IQCM: variants seen among roughly 807,000 people sequenced by gnomAD.
IQCM encodes IQ motif containing M, also known as IQ domain-containing protein M.
Under a neutral mutation model 57.6 loss-of-function variants are expected in IQCM, and 45 were observed. The ratio of observed to expected loss-of-function variants is 0.78; its 90% CI spans 0.62 to 1.00. The LOEUF is 1.00. Among genes scored for constraint, IQCM ranks in the 50% least tolerant of loss-of-function variants. The pLI is 0.00. For missense variants in IQCM, 468 were observed against 511.6 expected, an observed-to-expected ratio of 0.91 and a Z score of 0.82; for synonymous variants, 148 against 158.9, an observed-to-expected ratio of 0.93 and a Z score of 0.51.
At chr4:149,733,072 C>T (rs1337681871) in intron 5 of IQCM, among the ~76,000 whole-genome samples, 172 bp downstream of exon 5, 1 of 152,178 alleles carries the variant, frequency 6.6e-6, no homozygotes, top group Non-Finnish European at 1.5e-5. Flanking sequence ...ATCTCAATTT[C>T]TGGTGGTGCC....
At chr4:149,664,193 A>G (rs973029763) in intron 7 of IQCM, among the ~76,000 whole-genome samples, 1 of 152,120 alleles carries the variant, frequency 6.6e-6, no homozygotes, top group African/African-American at 2.4e-5. Context: ...TTCAGATAAT[A>G]AACTTTTTTC....
intron 12 of IQCM, among the ~76,000 whole-genome samples, chr4:149,539,672 C>T (rs150202558): frequency 0.024 from 3,614 of 152,062 alleles, 105 homozygotes; most frequent in South Asian, 0.15. Context: ...ACCAGGCTGG[C>T]CAACATGGTG....
At position 149,374,967 on chromosome 4, in the gene IQCM, TTGTGTG is replaced by T. The variant is rs145080282; in HGVS notation, c.1391-22907_1391-22902del. ...GTTCCTTGCCTCTGCCACACTTTCT[TTGTGTG>T]TGTGTGTGTGTGTGTGTGTGTGTGT... On this transcript the variant is annotated intron_variant, in intron 13 of 13. Coordinates refer to ENST00000636793, the MANE Select transcript of IQCM (RefSeq NM_001363507.2). Among the ~76,000 whole-genome samples the T allele has an allele frequency of 1.8e-4, 23 of 125,400 alleles. No homozygotes were observed. In the South Asian group the frequency reaches 3.1e-3, roughly 17 times the overall value. 82.3% of individuals were successfully genotyped at this position (125,400 alleles called of 152,430 possible). A position where few individuals can be genotyped will look rare whatever the true frequency, so the allele number is the denominator to read the frequency against.
intron 2 of IQCM, among the ~76,000 whole-genome samples, chr4:149,804,062 G>A (rs1773858423): frequency 6.6e-6 from 1 of 151,952 alleles, no homozygotes; most frequent in African/African-American, 2.4e-5. Flanking sequence ...GAAGGCTATA[G>A]GAGGCTGGAG....
intron 11 of IQCM, among the ~76,000 whole-genome samples, chr4:149,551,346 A>G (rs984383820): frequency 6.6e-6 from 1 of 152,226 alleles, no homozygotes; most frequent in Non-Finnish European, 1.5e-5. Flanking sequence ...CCAGGCTGGA[A>G]AACAGAAATC....
intron 12 of IQCM, among the ~76,000 whole-genome samples, chr4:149,474,447 A>T (rs1016583304): frequency 2.0e-5 from 3 of 151,432 alleles, no homozygotes; most frequent in Non-Finnish European, 4.4e-5. Flanking sequence ...AGTGGCTCAC[A>T]CCTGTAATCC....
intron 2 of IQCM, among the ~76,000 whole-genome samples, chr4:149,774,998 G>T (rs566636354): frequency 4.9e-5 from 6 of 122,962 alleles, no homozygotes; most frequent in Non-Finnish European, 8.0e-5. Flanking sequence ...GTCATTTAAT[G>T]ATCCTGAAAA....
chr4:149,565,948 A>G (rs1044995257), intron 9 of IQCM, among the ~76,000 whole-genome samples: 2 of 152,184 alleles, frequency 1.3e-5, no homozygotes, highest in African/African-American at 4.8e-5. Flanking sequence ...AGCCAAATAT[A>G]TATCATTTTG....
chr4:149,481,703 T>TTTTTTTTTTTGTTTTTTGTTTTG (rs1412414223), intron 12 of IQCM, among the ~76,000 whole-genome samples: 1 of 134,390 alleles, frequency 7.4e-6, no homozygotes, highest in Non-Finnish European at 1.6e-5. Context: ...CCAGTTTTGT[T>TTTTTTTTTTTGTTTTTTGTTTTG]TTTTTTTTTT....
intron 5 of IQCM, among the ~76,000 whole-genome samples, chr4:149,720,794 C>T (rs538064399): frequency 1.5e-4 from 23 of 152,268 alleles, no homozygotes; most frequent in Admixed American, 4.6e-4. Context: ...TTATCTCAAA[C>T]TTATTCTCTC....
At chr4:149,406,203 G>T (rs1732969892) in intron 13 of IQCM, among the ~76,000 whole-genome samples, 1 of 151,924 alleles carries the variant, frequency 6.6e-6, no homozygotes, top group Non-Finnish European at 1.5e-5. Context: ...GCAAATCAAA[G>T]TCTCTGACCC....
At chr4:149,698,983 C>T (rs541072277) in intron 5 of IQCM, among the ~76,000 whole-genome samples, 51 of 151,764 alleles carry the variant, frequency 3.4e-4, no homozygotes, top group South Asian at 8.3e-4. Flanking sequence ...AGTAAGTACT[C>T]AATAAAATTA....
At chr4:149,782,605 A>G (rs11726885) in intron 2 of IQCM, among the ~76,000 whole-genome samples, 51,182 of 149,476 alleles carry the variant, frequency 0.34, 10,988 homozygotes, top group Non-Finnish European at 0.49. Flanking sequence ...TGTCTCAAAG[A>G]AAGAAAAAAA....
intron 12 of IQCM, among the ~76,000 whole-genome samples, chr4:149,537,744 C>T (rs1747443596): frequency 6.6e-6 from 1 of 151,652 alleles, no homozygotes; most frequent in Admixed American, 6.6e-5. Flanking sequence ...CACAAGATAA[C>T]AAAAATAAGA....
intron 12 of IQCM, among the ~76,000 whole-genome samples, chr4:149,499,959 T>C (rs1053088689): frequency 1.3e-5 from 2 of 152,200 alleles, no homozygotes; most frequent in Non-Finnish European, 2.9e-5. Flanking sequence ...CAACTTCCTA[T>C]AATGCACTCC....
chr4:149,542,228 A>C (rs1013788279), intron 12 of IQCM, among the ~76,000 whole-genome samples: 6 of 152,096 alleles, frequency 3.9e-5, no homozygotes, highest in African/African-American at 1.4e-4. Flanking sequence ...AATCTTATGC[A>C]TTATAATAAA....
At chr4:149,530,291 C>T (rs1436202789) in intron 12 of IQCM, among the ~76,000 whole-genome samples, 2 of 151,860 alleles carry the variant, frequency 1.3e-5, no homozygotes, top group Non-Finnish European at 2.9e-5. Context: ...ATATATAATT[C>T]CCTCTCCAGT....
intron 5 of IQCM, among the ~76,000 whole-genome samples, chr4:149,720,598 T>TTA (rs2149853348): frequency 6.6e-6 from 1 of 152,332 alleles, no homozygotes; most frequent in South Asian, 2.1e-4. Context: ...CAGATATGAA[T>TTA]TATAATTCTA....
At chr4:149,700,859 C>T (rs1763713998) in intron 5 of IQCM, among the ~76,000 whole-genome samples, 1 of 151,986 alleles carries the variant, frequency 6.6e-6, no homozygotes, top group Admixed American at 6.6e-5. Flanking sequence ...AGAACAGTTA[C>T]TATTGTTAAT....
Sources: gnomAD v4.1 joint callset for allele counts (sites outside exome capture counted in the v4.1 genomes callset) on GRCh38, gnomAD v4.1.1 for gene constraint, MANE v1.5 for transcripts, NCBI Gene and HGNC (gene_info 2026-07-23, HGNC 2026-07-21) for gene names.